TET2: variants seen among roughly 807,000 people sequenced by gnomAD.
The protein encoded by TET2 is tet methylcytosine dioxygenase 2, also known as methylcytosine dioxygenase TET2.
A neutral mutation model predicts 142.9 loss-of-function variants in TET2; 299 were observed. The observed-to-expected ratio is 2.09, with a 90% confidence interval of 1.90 to 2.30. TET2 has a LOEUF of 2.30. TET2 is among the 30% of genes most tolerant of loss of function. The pLI is 0.00. For missense variants in TET2, 2,418 were observed against 2,378.0 expected, an observed-to-expected ratio of 1.02 and a Z score of -0.35; for synonymous variants, 819 against 849.0, an observed-to-expected ratio of 0.96 and a Z score of 0.61.
chr4:105,246,988 G>T (rs1729613857), intron 6 of TET2, among the ~76,000 whole-genome samples: 1 of 152,122 alleles, frequency 6.6e-6, no homozygotes, highest in Admixed American at 6.6e-5. Flanking sequence ...TAAGAGTTGT[G>T]GGAGTGTATC....
At position 105,236,981 on chromosome 4, in the gene TET2, T is replaced by C; in HGVS notation, c.3039T>C (p.Pro1013=). ...WKKVTKQENP[P]ASCDNVQQKS... ...AGGTAACTAAGCAAGAGAATCCACC[T>C]GCAAGCTGTGATAATGTGCAGCAAA... Residue 1013 remains proline, a synonymous_variant, in exon 3 of 11, where the codon CCT becomes CCC. Coordinates refer to ENST00000380013, the MANE Select transcript of TET2 (RefSeq NM_001127208.3). 1 of 1,614,134 alleles carries C rather than the reference T, an allele frequency of 6.2e-7. No individual in the cohort carries two copies.
intron 2 of TET2, among the ~76,000 whole-genome samples, chr4:105,197,128 T>C (rs1226389496): frequency 6.6e-6 from 1 of 152,200 alleles, no homozygotes; most frequent in Non-Finnish European, 1.5e-5. Context: ...ACCTACATTT[T>C]TTTCACTAAA....
chr4:105,158,515 A>G (rs1288559138), intron 1 of TET2, among the ~76,000 whole-genome samples: 1 of 152,196 alleles, frequency 6.6e-6, no homozygotes, highest in Non-Finnish European at 1.5e-5. Context: ...AAGCCATTGA[A>G]TACTGAATGG....
intron 3 of TET2, chr4:105,239,047 T>TG (rs1729122779): frequency 4.1e-6 from 1 of 242,436 alleles, no homozygotes; most frequent in Admixed American, 5.7e-5. Flanking sequence ...AGTAATATTT[T>TG]GAAAGGAGGT....
At chr4:105,151,484 AAT>A (rs1723297977) in intron 1 of TET2, among the ~76,000 whole-genome samples, 2 of 150,112 alleles carry the variant, frequency 1.3e-5, no homozygotes, top group Admixed American at 6.7e-5. Context: ...AGATATAGAT[AAT>A]ATATATTTTC....
At chr4:105,163,845 G>GAGAGAA (rs1723997526) in intron 1 of TET2, among the ~76,000 whole-genome samples, 2 of 139,180 alleles carry the variant, frequency 1.4e-5, no homozygotes, top group African/African-American at 5.4e-5. Flanking sequence ...GAGAGAGAGA[G>GAGAGAA]AGAGAGAGAG....
At chr4:105,174,752 G>A (rs1274162270) in intron 1 of TET2, among the ~76,000 whole-genome samples, 4 of 152,174 alleles carry the variant, frequency 2.6e-5, no homozygotes, top group Non-Finnish European at 5.9e-5. Context: ...GTGACTACTG[G>A]AGAAAATTCC....
At chr4:105,188,288 T>C (rs1725577953) in intron 1 of TET2, among the ~76,000 whole-genome samples, 1 of 152,162 alleles carries the variant, frequency 6.6e-6, no homozygotes, top group African/African-American at 2.4e-5. Context: ...ATATTATGAT[T>C]CCACTTACAT....
Position 105,276,067 on chromosome 4 carries a change from A to AG in TET2, c.5558dup (p.Ser1853ArgfsTer6). 6.4e-7 allele frequency: 1 copy of AG among 1,551,708 alleles called. No homozygotes were observed. The highest frequency in any genetic ancestry group is 8.7e-7 in the Non-Finnish European group (1 of 1,146,980). On this transcript the variant is annotated frameshift_variant, in exon 11 of 11. Transcript: ENST00000380013. LOFTEE classifies it high-confidence loss of function. Reference sequence around the variant, plus strand: ...TGAGGTCTGGTCAGACAGCGAGCAGAGCTTTCTGGATCCTGACATTGGGGG... The same window carrying AG: ...TGAGGTCTGGTCAGACAGCGAGCAGAGGCTTTCTGGATCCTGACATTGGGGG...
chr4:105,203,428 C>G (rs6533182), intron 2 of TET2, among the ~76,000 whole-genome samples: 104,852 of 152,120 alleles, frequency 0.69, 36,979 homozygotes, highest in African/African-American at 0.85. Flanking sequence ...ACTGTAATCA[C>G]TTGGGAATTG....
chr4:105,159,867 G>A (rs989806195), intron 1 of TET2, among the ~76,000 whole-genome samples: 2 of 152,114 alleles, frequency 1.3e-5, no homozygotes, highest in Non-Finnish European at 2.9e-5. Context: ...AGCTGGGCGT[G>A]GTGGCGGGCG....
chr4:105,245,269 G>A (rs1452697564), intron 6 of TET2, among the ~76,000 whole-genome samples: 3 of 152,056 alleles, frequency 2.0e-5, no homozygotes, highest in African/African-American at 4.8e-5. Context: ...TTAATTGGAA[G>A]GTAGAAATTG....
intron 2 of TET2, among the ~76,000 whole-genome samples, chr4:105,192,952 A>C (rs765628537): frequency 4.6e-5 from 7 of 152,226 alleles, no homozygotes; most frequent in Non-Finnish European, 1.0e-4. Context: ...AAGGAATTGC[A>C]GGTAGTGGAG....
intron 4 of TET2, chr4:105,242,410 A>G (rs905215580): frequency 6.5e-6 from 7 of 1,083,282 alleles, no homozygotes; most frequent in Non-Finnish European, 7.9e-6. Context: ...CCTTTTCTAA[A>G]TTGTGAGACA....
chr4:105,187,627 T>A (rs544300377), intron 1 of TET2, among the ~76,000 whole-genome samples: 1 of 152,232 alleles, frequency 6.6e-6, no homozygotes, highest in Non-Finnish European at 1.5e-5. Context: ...ATTGAATTTC[T>A]TTTTTCTTCT....
At chr4:105,201,263 CA>C (rs111752621) in intron 2 of TET2, among the ~76,000 whole-genome samples, 2 of 151,586 alleles carry the variant, frequency 1.3e-5, no homozygotes, top group Non-Finnish European at 2.9e-5. Context: ...ATCTCTTCTT[CA>C]AAAAAAAGGC....
chr4:105,271,132 ACTC>A (rs1363651002), intron 9 of TET2, among the ~76,000 whole-genome samples: 2 of 151,950 alleles, frequency 1.3e-5, no homozygotes, highest in Admixed American at 6.6e-5. Context: ...TTTTTTAAAA[ACTC>A]CTTGAAAATG....
chr4:105,202,323 G>C (rs1257359999), intron 2 of TET2: 1 of 152,086 alleles, frequency 6.6e-6, no homozygotes, highest in Non-Finnish European at 1.5e-5. Context: ...TGTCAAATTA[G>C]TTCTCTTTTT....
At chr4:105,198,865 G>A (rs1266692426) in intron 2 of TET2, among the ~76,000 whole-genome samples, 2 of 152,112 alleles carry the variant, frequency 1.3e-5, no homozygotes, top group Admixed American at 6.6e-5. Context: ...TCTCATTTGC[G>A]AAGTTACACT....
Sources: allele counts gnomAD v4.1 joint callset (sites outside exome capture counted in the v4.1 genomes callset), GRCh38; gene constraint gnomAD v4.1.1; transcripts MANE v1.5; gene names NCBI Gene and HGNC (gene_info 2026-07-23, HGNC 2026-07-21).